RAPGEF2: variants seen among roughly 807,000 people sequenced by gnomAD.
The protein encoded by RAPGEF2 is PDZ domain containing guanine nucleotide exchange factor (GEF) 1.
Under a neutral mutation model 186.7 loss-of-function variants are expected in RAPGEF2, and 54 were observed. The ratio of observed to expected loss-of-function variants is 0.29; its 90% CI spans 0.23 to 0.36. RAPGEF2 has a LOEUF of 0.36. Among genes scored for constraint, RAPGEF2 ranks in the 10% least tolerant of loss-of-function variants. The pLI is 1.00. For missense variants in RAPGEF2, 1,532 were observed against 2,045.0 expected (o/e 0.75, Z 4.84); for synonymous variants, 712 against 705.9 (o/e 1.01, Z -0.14).
intron 1 of RAPGEF2, among the ~76,000 whole-genome samples, chr4:159,122,038 CAAAA>C (rs70962654): frequency 1.9e-4 from 10 of 51,436 alleles, no homozygotes; most frequent in Non-Finnish European, 2.8e-4. Flanking sequence ...GACTCCATCT[CAAAA>C]AAAAAAAAAA....
Position 159,355,884 on chromosome 4 carries a change from G to T in RAPGEF2, c.4683G>T (p.Pro1561=). The change falls in exon 29 of 30, where the codon CCG becomes CCT. Residue 1561 remains proline (P), a synonymous_variant. Transcript: ENST00000691494. The part of the protein sequence containing the change: ...ARKEGRYREP[P]PTPPGYIGIP... The stretch of plus-strand genomic sequence containing the variant: ...AGGAGGGCAGGTATCGAGAGCCCCC[G>T]CCCACCCCTCCCGGCTACATTGGAA... The T allele has an allele frequency of 2.0e-5, 14 of 694,192 alleles. No homozygotes were observed. The highest frequency in any genetic ancestry group is 8.8e-5 in the Admixed American group (2 of 22,830). The allele number at this position is 694,192 out of a possible 1,614,324, so 43.0% of individuals were successfully genotyped here.
rs77281348 is a variant in RAPGEF2, at chr4:159,195,781, C to T, written c.197+2525C>T. Among the ~76,000 whole-genome samples, 300 of 152,102 alleles carry T rather than the reference C, an allele frequency of 2.0e-3. 4 individuals carry two copies. The East Asian group carries it at 0.048, about 24-fold the overall frequency. On this transcript the variant is annotated intron_variant, in intron 3 of 29. Coordinates refer to ENST00000691494, the MANE Select transcript of RAPGEF2 (RefSeq NM_001394067.2). ...TTCTCCTAAAGTGGCAACTGAAACC[C>T]GCCAGCAGCTCATGCTACATTATGA...
rs1371816429 is a variant in RAPGEF2, at chr4:159,353,458, TTTC to T, written c.4092-26_4092-24del. ...AATTAGTTATCAATCTTGTTTTTTTTTTCTTTTCCATTTCTTTTAACCACTTAG... is the reference window on the plus strand; with the variant it reads ...AATTAGTTATCAATCTTGTTTTTTTTTTTTCCATTTCTTTTAACCACTTAG... On this transcript the variant is annotated intron_variant, in intron 27 of 29. Transcript: ENST00000691494. The surrounding 1 kb of genome is among the most constrained non-coding windows in gnomAD (Gnocchi z 4.3). The T allele has an allele frequency of 7.1e-7, 1 of 1,413,308 alleles. No individual in the cohort carries two copies. Among genetic ancestry groups the T allele is most frequent in the South Asian group, 1.9e-5 (1 of 53,678 alleles). 87.5% of individuals were successfully genotyped at this position (1,413,308 alleles called of 1,614,324 possible).
Position 159,353,535 on chromosome 4 carries a change from A to G in RAPGEF2, c.4140A>G (p.Thr1380=), listed in dbSNP as rs1306990604. The stretch of plus-strand genomic sequence containing the variant: ...GCCGAGGCTTATATGCTACAGCTAC[A>G]GTAATTTCTTCTCCAAGCACAGAGG... ...SEGRGLYATA[T]VISSPSTEEL... The change falls in exon 28 of 30, where the codon ACA becomes ACG. Residue 1380 remains threonine, a synonymous_variant. Coordinates refer to ENST00000691494, the MANE Select transcript of RAPGEF2 (RefSeq NM_001394067.2). The surrounding 1 kb of genome is among the most constrained non-coding windows in gnomAD (Gnocchi z 4.3). 3.3e-6 allele frequency: 5 copies of G among 1,537,342 alleles called. No individual in the cohort carries two copies. Among genetic ancestry groups the G allele is most frequent in the Middle Eastern group, 1.8e-4 (1 of 5,692 alleles).
At chr4:159,303,943 G>A (rs1579852113) in intron 7 of RAPGEF2, among the ~76,000 whole-genome samples, 2 of 151,972 alleles carry the variant, frequency 1.3e-5, no homozygotes, top group African/African-American at 4.8e-5. Context: ...GGGTATAAAC[G>A]TAGCTTAAAT....
chr4:159,353,845 C>T lies in RAPGEF2; in HGVS notation c.4450C>T (p.Arg1484Ter), dbSNP rs1264648424. The stretch of plus-strand genomic sequence containing the variant: ...AGAGAGCCTTGAACAAGCCCAGTCC[C>T]GAGCAAGCTGGGCGTCTTCCACAGG... ...SRESLEQAQSRASWASSTGYW... is the reference protein window; with the variant it reads ...SRESLEQAQS The change falls in exon 28 of 30, where the codon CGA becomes TGA. Residue 1484 changes from arginine (R) to a stop codon, truncating the protein, a stop_gained. Transcript: ENST00000691494. LOFTEE classifies it high-confidence loss of function. This position sits in a 1 kb window ranked among gnomAD's most constrained non-coding sequence, Gnocchi z 4.3. 1 of 1,614,152 alleles carries T rather than the reference C, an allele frequency of 6.2e-7. No individual in the cohort carries two copies. Among genetic ancestry groups the T allele is most frequent in the East Asian group, 2.2e-5 (1 of 44,878 alleles).
Position 159,332,525 on chromosome 4 carries a change from A to G in RAPGEF2, c.1963A>G (p.Ile655Val), listed in dbSNP as rs1170149391. The stretch of plus-strand genomic sequence containing the variant: ...CCCCCACCTTCCTAAAATTGGTGAC[A>G]TTAAAAAGGCCAGTCGCTACTCCAT... ...GAPHLPKIGD[I>V]KKASRYSIPD... Residue 655 changes from isoleucine (I) to valine (V), a missense_variant, in exon 17 of 30, where the codon ATT becomes GTT. Transcript: ENST00000691494. 4 of 1,614,046 alleles carry G rather than the reference A, an allele frequency of 2.5e-6. No individual in the cohort carries two copies. The highest frequency in any genetic ancestry group is 1.6e-4 in the Middle Eastern group (1 of 6,082).
chr4:159,155,230 G>A (rs369346883), intron 1 of RAPGEF2, among the ~76,000 whole-genome samples: 5 of 152,228 alleles, frequency 3.3e-5, no homozygotes, highest in East Asian at 1.9e-4. Flanking sequence ...GAAAGGATAC[G>A]TAGGTGAGAA....
At chr4:159,207,807 T>C (rs1027598025) in intron 3 of RAPGEF2, among the ~76,000 whole-genome samples, 1 of 152,242 alleles carries the variant, frequency 6.6e-6, no homozygotes, top group African/African-American at 2.4e-5. Flanking sequence ...CCATTTGTTA[T>C]TTAAAAATTA....
At chr4:159,202,596 C>T (rs1027796574) in intron 3 of RAPGEF2, among the ~76,000 whole-genome samples, 4 of 152,030 alleles carry the variant, frequency 2.6e-5, no homozygotes, top group African/African-American at 9.7e-5. Flanking sequence ...TCCCCCTTGG[C>T]TTTTCTTTCT....
rs769985546 is a variant in RAPGEF2, at chr4:159,353,789, G to A, written c.4394G>A (p.Ser1465Asn). 6.8e-6 allele frequency: 11 copies of A among 1,614,184 alleles called. No homozygotes were observed. The Admixed American group carries it at 1.7e-4, about 24-fold the overall frequency. The change falls in exon 28 of 30, where the codon AGC (serine) becomes AAC (asparagine). Residue 1465 changes from serine to asparagine, a missense_variant. Around this residue, in one of 4 missense-constraint regions of RAPGEF2, gnomAD observed 594 missense variants for 608.5 expected, o/e 0.98. Coordinates refer to ENST00000691494, the MANE Select transcript of RAPGEF2 (RefSeq NM_001394067.2). This position sits in a 1 kb window ranked among gnomAD's most constrained non-coding sequence, Gnocchi z 4.3. ...GACCAAATTATGTTTTCTGATCATA[G>A]CACAAAGTATAACAGGCAAAATCAA... is the stretch of plus-strand genomic sequence containing the variant. ...HMDQIMFSDHSTKYNRQNQSR... is the reference protein window; with the variant it reads ...HMDQIMFSDHNTKYNRQNQSR...
chr4:159,195,591 C>T (rs923831967), intron 3 of RAPGEF2, among the ~76,000 whole-genome samples: 39 of 152,220 alleles, frequency 2.6e-4, no homozygotes, highest in African/African-American at 9.2e-4. Context: ...CAAGCTCCCA[C>T]TGCCTAATGT....
At chr4:159,187,082 G>T (rs1456528272) in intron 2 of RAPGEF2, among the ~76,000 whole-genome samples, 2 of 152,292 alleles carry the variant, frequency 1.3e-5, no homozygotes, top group Admixed American at 6.5e-5. Flanking sequence ...TAGTCAACAA[G>T]TAGGCTTAAA....
chr4:159,107,660 A>T (rs36089326), intron 1 of RAPGEF2, among the ~76,000 whole-genome samples: 44,038 of 151,848 alleles, frequency 0.29, 6,584 homozygotes, highest in Non-Finnish European at 0.33. Flanking sequence ...TAACTCATTG[A>T]TGTGTTATAA....
intron 1 of RAPGEF2, among the ~76,000 whole-genome samples, chr4:159,120,256 G>A (rs1739514266): frequency 2.0e-5 from 3 of 152,214 alleles, no homozygotes; most frequent in Non-Finnish European, 2.9e-5. Context: ...CTGGCCTCAC[G>A]TGATCTACAT....
At chr4:159,262,974 T>C (rs1757043222) in intron 7 of RAPGEF2, among the ~76,000 whole-genome samples, 2 of 152,182 alleles carry the variant, frequency 1.3e-5, no homozygotes, top group Admixed American at 1.3e-4. Flanking sequence ...CACTTAGATG[T>C]TTAGTTAGCA....
chr4:159,357,978 A>G (rs1561352870), intron 29 of RAPGEF2, 136 bp from the exon 30 acceptor site: 1 of 822,338 alleles, frequency 1.2e-6, no homozygotes, highest in Non-Finnish European at 1.8e-6. Context: ...AAAAAAAGAC[A>G]AGGATTCTAA....
At chr4:159,357,887 A>G (rs1732263925) in intron 29 of RAPGEF2, among the ~76,000 whole-genome samples, 1 of 152,192 alleles carries the variant, frequency 6.6e-6, no homozygotes, top group South Asian at 2.1e-4. Context: ...TATAATGCAT[A>G]TCTTTTTAAT....
intron 3 of RAPGEF2, among the ~76,000 whole-genome samples, chr4:159,194,703 T>C (rs1232135828): frequency 6.6e-6 from 1 of 152,210 alleles, no homozygotes; most frequent in Non-Finnish European, 1.5e-5. Flanking sequence ...AACAGCTTAT[T>C]TATTTGAATC....
Sources: allele counts gnomAD v4.1 joint callset (sites outside exome capture counted in the v4.1 genomes callset), GRCh38; gene constraint gnomAD v4.1.1; regional missense constraint gnomAD v4.1.1; non-coding constraint Gnocchi (gnomAD v3.1); transcripts MANE v1.5; gene names NCBI Gene and HGNC (gene_info 2026-07-23, HGNC 2026-07-21).